Variants in RAB11FIP4 observed in about 807,000 individuals in gnomAD.
RAB11FIP4 encodes the protein RAB11 family interacting protein 4.
RAB11FIP4 carries 23 observed loss-of-function variants against 74.3 expected under a neutral mutation model. That is an observed-to-expected ratio of 0.31 (90% CI 0.22 to 0.44). RAB11FIP4 has a LOEUF of 0.44. Ranked by LOEUF, RAB11FIP4 falls within the 20% of genes least tolerant of loss-of-function variation. RAB11FIP4 has a pLI of 1.00. For synonymous variants in RAB11FIP4, 360 were observed against 359.9 expected (o/e 1.00, Z 0.00); for missense variants, 630 against 863.9 (o/e 0.73, Z 3.39).
intron 3 of RAB11FIP4, 123 bp downstream of exon 3, chr17:31,434,245 T>C: frequency 1.3e-6 from 1 of 769,458 alleles, no homozygotes. Context: ...TTCTTGAGCA[T>C]CAGAGTCAAG....
At chr17:31,499,871 C>T (rs2072185733) in intron 3 of RAB11FIP4, among the ~76,000 whole-genome samples, 2 of 152,178 alleles carry the variant, frequency 1.3e-5, no homozygotes, top group South Asian at 4.1e-4. Context: ...AAAAGCCTCC[C>T]CTGACCTGCA....
At chr17:31,458,986 G>T (rs1223996669) in intron 3 of RAB11FIP4, among the ~76,000 whole-genome samples, 2 of 152,134 alleles carry the variant, frequency 1.3e-5, no homozygotes, top group African/African-American at 4.8e-5. Flanking sequence ...ACTCCAAGGG[G>T]CACTATTATC....
intron 1 of RAB11FIP4, among the ~76,000 whole-genome samples, chr17:31,416,641 G>T (rs1016823215): frequency 6.6e-6 from 1 of 152,120 alleles, no homozygotes; most frequent in Non-Finnish European, 1.5e-5. Context: ...GGAGCATCTC[G>T]CCTGAAGCCC....
intron 3 of RAB11FIP4, among the ~76,000 whole-genome samples, chr17:31,457,633 G>A (rs1050659698): frequency 2.0e-5 from 3 of 152,074 alleles, no homozygotes; most frequent in Non-Finnish European, 4.4e-5. Context: ...AAGAGACCCA[G>A]CGGGAGCTTT....
chr17:31,464,689 G>A (rs193032735), intron 3 of RAB11FIP4, among the ~76,000 whole-genome samples: 5 of 145,932 alleles, frequency 3.4e-5, no homozygotes, highest in Non-Finnish European at 7.5e-5. Flanking sequence ...GATGTCAGGG[G>A]ATCCACCTGC....
At chr17:31,396,579 G>C (rs1402102435) in intron 1 of RAB11FIP4, among the ~76,000 whole-genome samples, 1 of 152,198 alleles carries the variant, frequency 6.6e-6, no homozygotes, top group Non-Finnish European at 1.5e-5. Context: ...TTGAGAGGCT[G>C]TTCTAGGCTG....
intron 1 of RAB11FIP4, among the ~76,000 whole-genome samples, chr17:31,396,904 TGGTCCCCACTGGGCTCCCTGAGTCCTCA>T (rs2151612722): frequency 1.3e-5 from 2 of 152,322 alleles, no homozygotes; most frequent in East Asian, 3.9e-4. Flanking sequence ...AATGAAATGA[TGGTCCCCACTGGGCTCCCTGAGTCCTCA>T]GGTCCCCTCT....
chr17:31,409,034 C>T (rs1205366712), intron 1 of RAB11FIP4, among the ~76,000 whole-genome samples: 5 of 152,218 alleles, frequency 3.3e-5, no homozygotes, highest in Non-Finnish European at 4.4e-5. Context: ...ACACAGACGG[C>T]CGCAGAGTTG....
At chr17:31,415,971 C>T (rs1258441795) in intron 1 of RAB11FIP4, among the ~76,000 whole-genome samples, 2 of 152,082 alleles carry the variant, frequency 1.3e-5, no homozygotes, top group Non-Finnish European at 2.9e-5. Context: ...CTGATCTGAT[C>T]GTCACAGCGG....
chr17:31,488,172 C>T (rs1266236145), intron 3 of RAB11FIP4: 1 of 1,073,688 alleles, frequency 9.3e-7, no homozygotes, highest in Non-Finnish European at 1.1e-6. Context: ...TCGGGGCTGC[C>T]CGCCGCGTCC....
intron 3 of RAB11FIP4, among the ~76,000 whole-genome samples, chr17:31,498,553 C>T (rs986165292): frequency 6.6e-6 from 1 of 152,158 alleles, no homozygotes; most frequent in Admixed American, 6.5e-5. Flanking sequence ...TCCAGAAGGG[C>T]GGGTCACGTG....
At position 31,439,561 on chromosome 17, in the gene RAB11FIP4, G is replaced by A. The variant is rs147326373; in HGVS notation, c.336+5439G>A. Among the ~76,000 whole-genome samples the A allele has an allele frequency of 7.2e-5, 11 of 152,268 alleles. No homozygotes were observed. In the East Asian group the frequency reaches 2.1e-3, roughly 29 times the overall value. On this transcript the variant is annotated intron_variant, in intron 3 of 14. Coordinates refer to ENST00000621161, the MANE Select transcript of RAB11FIP4 (RefSeq NM_032932.6). ...ATATTCTTTGCCCATTTTCGATATG[G>A]TTGTTTGTCTTTTCCTTATTGATTT...
intron 3 of RAB11FIP4, among the ~76,000 whole-genome samples, chr17:31,502,594 A>G (rs1170186542): frequency 6.6e-6 from 1 of 152,162 alleles, no homozygotes; most frequent in Non-Finnish European, 1.5e-5. Context: ...ATAAAAAAAT[A>G]AAGGTTGAAT....
intron 1 of RAB11FIP4, among the ~76,000 whole-genome samples, chr17:31,400,827 G>C (rs2070978108): frequency 1.3e-5 from 2 of 152,170 alleles, no homozygotes; most frequent in South Asian, 4.1e-4. Context: ...GCGATGGACA[G>C]GTCTGGGGAC....
chr17:31,392,003 G>T lies in RAB11FIP4; in HGVS notation c.151G>T (p.Gly51Cys). 7.5e-7 allele frequency: 1 copy of T among 1,327,198 alleles called. No homozygotes were observed. The highest frequency in any genetic ancestry group is 9.6e-7 in the Non-Finnish European group (1 of 1,039,348). The allele number at this position is 1,327,198 out of a possible 1,614,324, so 82.2% of individuals were successfully genotyped here. The change falls in exon 1 of 15, where the codon GGC (glycine) becomes TGC (cysteine). Residue 51 changes from glycine (G) to cysteine (C), a missense_variant. Coordinates refer to ENST00000621161, the MANE Select transcript of RAB11FIP4 (RefSeq NM_032932.6). ...GGCGCTCGGACTGCGCTTCGGCCAG[G>T]GCGAGGAGGTAAGCTGGCCCGACCC... ...VAALGLRFGQ[G>C]EEVEKLVKYL...
chr17:31,429,903 C>CGT (rs1567652841), intron 1 of RAB11FIP4, among the ~76,000 whole-genome samples: 1 of 152,036 alleles, frequency 6.6e-6, no homozygotes, highest in African/African-American at 2.4e-5. Context: ...GTCCTGATCC[C>CGT]GTGTACCTGA....
intron 3 of RAB11FIP4, among the ~76,000 whole-genome samples, chr17:31,484,759 C>G (rs2071884753): frequency 6.6e-6 from 1 of 152,156 alleles, no homozygotes; most frequent in Admixed American, 6.5e-5. Context: ...CAGCCTCTTG[C>G]CATAATGATC....
chr17:31,505,705 T>C (rs1283353860), intron 3 of RAB11FIP4, among the ~76,000 whole-genome samples: 1 of 111,744 alleles, frequency 8.9e-6, no homozygotes, highest in Non-Finnish European at 1.6e-5. Context: ...TTATATATAA[T>C]ATATTAATAA....
intron 3 of RAB11FIP4, chr17:31,488,238 C>G (rs1427092762): frequency 6.9e-6 from 8 of 1,155,780 alleles, no homozygotes; most frequent in East Asian, 4.1e-5. Context: ...GGGAGCGGCC[C>G]GCGGATGCGC....
Sources: gnomAD v4.1 joint callset for allele counts (sites outside exome capture counted in the v4.1 genomes callset) on GRCh38, gnomAD v4.1.1 for gene constraint, MANE v1.5 for transcripts, NCBI Gene and HGNC (gene_info 2026-07-23, HGNC 2026-07-21) for gene names.